The following ARAP2 variants were observed in gnomAD, a reference collection of about 807,000 sequenced individuals.
ARAP2 encodes arf-GAP with Rho-GAP domain, ANK repeat and PH domain-containing protein 2.
Under a neutral mutation model 194.5 loss-of-function variants are expected in ARAP2, and 148 were observed. The observed-to-expected ratio is 0.76, with a 90% CI of 0.67 to 0.87. ARAP2 has a LOEUF of 0.87. Ranked by LOEUF, ARAP2 falls within the 40% of genes least tolerant of loss-of-function variation. The probability of loss-of-function intolerance (pLI) is 0.00; values close to 1 mark genes in which losing one functional copy is unlikely to be tolerated. For missense variants in ARAP2, 2,128 were observed against 1,989.7 expected, an observed-to-expected ratio of 1.07 and a Z score of -1.32; for synonymous variants, 695 against 683.5, an observed-to-expected ratio of 1.02 and a Z score of -0.26.
intron 6 of ARAP2, among the ~76,000 whole-genome samples, chr4:36,201,484 G>A (rs1052323356): frequency 2.0e-5 from 3 of 152,076 alleles, no homozygotes; most frequent in Non-Finnish European, 2.9e-5. Flanking sequence ...ATCTCATTTT[G>A]TTTTTAGGGT....
At position 36,128,620 on chromosome 4, in the gene ARAP2, C is replaced by T. The variant is rs1724581250; in HGVS notation, c.3553G>A (p.Val1185Met). 5 of 1,612,952 alleles carry T rather than the reference C, an allele frequency of 3.1e-6. No individual in the cohort carries two copies. The highest frequency in any genetic ancestry group is 2.2e-5 in the East Asian group (1 of 44,758). ...AGAAAACTTTTCAACACAGCCGTCA[C>T]ATCTTCAAGCTGATGTTTTCCAGCC... Reference protein sequence around the residue: ...LRAGKHQLEDVTAVLKSFLSD... With the variant: ...LRAGKHQLEDMTAVLKSFLSD... Residue 1185 changes from valine to methionine, a missense_variant, in exon 21 of 33, where the codon GTG becomes ATG. Transcript: ENST00000303965.
At chr4:36,012,047 T>C (rs1343784402) in intron 9 of ARAP2, among the ~76,000 whole-genome samples, 1 of 152,204 alleles carries the variant, frequency 6.6e-6, no homozygotes, top group Non-Finnish European at 1.5e-5. Context: ...CCTCAACATT[T>C]CTTTCATGGT....
At chr4:36,149,601 T>C (rs1730461326) in intron 16 of ARAP2, among the ~76,000 whole-genome samples, 2 of 152,238 alleles carry the variant, frequency 1.3e-5, no homozygotes, top group African/African-American at 4.8e-5. Flanking sequence ...ATTTTAAACA[T>C]ATTAATATGC....
In ARAP2 at chr4:36,177,984, C is replaced by T. The variant is rs1239663130; in HGVS notation, c.1700G>A (p.Ser567Asn). The change falls in exon 9 of 33, where the codon AGC becomes AAC. Residue 567 changes from serine to asparagine, a missense_variant. Transcript: ENST00000303965. ...EKEEERNDWI[S>N]ILLNALKSQS... ...TGATTTCAGTGCATTTAATAGTATG[C>T]TGATCCAGTCATTTCTCTCCTCTGA... 3 of 1,602,244 alleles carry T rather than the reference C, an allele frequency of 1.9e-6. No individual in the cohort carries two copies. The highest frequency in any genetic ancestry group is 2.7e-5 in the African/African-American group (2 of 74,266).
chr4:36,103,592 A>C (rs1238213637), intron 27 of ARAP2, among the ~76,000 whole-genome samples: 1 of 151,782 alleles, frequency 6.6e-6, no homozygotes, highest in Admixed American at 6.6e-5. Context: ...ATTGAGGACT[A>C]TTACCTTTGT....
At chr4:36,114,122 TTTTACAGTATAAG>T (rs750147162) in intron 26 of ARAP2, 35 bp downstream of exon 26, 35 of 1,290,972 alleles carry the variant, frequency 2.7e-5, no homozygotes, top group Non-Finnish European at 3.6e-5. Flanking sequence ...AAAGAGTACT[TTTTACAGTATAAG>T]TAATTTAAGA....
intron 9 of ARAP2, among the ~76,000 whole-genome samples, chr4:36,169,767 C>T (rs752142294): frequency 6.6e-6 from 1 of 152,124 alleles, no homozygotes; most frequent in Admixed American, 6.5e-5. Flanking sequence ...TTCCTGACCT[C>T]GTGATCTGCC....
intron 8 of ARAP2, among the ~76,000 whole-genome samples, chr4:36,183,480 GGGAATGCCCACTCAAAATT>G (rs1739768314): frequency 6.6e-6 from 1 of 152,076 alleles, no homozygotes; most frequent in Non-Finnish European, 1.5e-5. Context: ...GCCTTGGAAA[GGGAATGCCCACTCAAAATT>G]CTTAAGCTCT....
intron 32 of ARAP2, among the ~76,000 whole-genome samples, chr4:36,072,120 T>C (rs1180578342): frequency 1.3e-5 from 2 of 152,094 alleles, no homozygotes; most frequent in African/African-American, 4.8e-5. Context: ...TAAAAAAATT[T>C]CTATTATTGC....
At chr4:36,204,286 G>T (rs947248769) in intron 6 of ARAP2, among the ~76,000 whole-genome samples, 6 of 152,158 alleles carry the variant, frequency 3.9e-5, no homozygotes, top group Non-Finnish European at 8.8e-5. Flanking sequence ...TATGGATCTA[G>T]AATACAAATT....
chr4:36,162,137 TAA>T (rs1354482042), intron 11 of ARAP2, among the ~76,000 whole-genome samples: 1 of 45,822 alleles, frequency 2.2e-5, no homozygotes, highest in Non-Finnish European at 4.1e-5. Context: ...TACACTTACT[TAA>T]ATATATATAT....
chr4:36,020,843 A>G (rs1374545606), intron 5 of ARAP2, among the ~76,000 whole-genome samples: 3 of 152,234 alleles, frequency 2.0e-5, no homozygotes, highest in African/African-American at 7.2e-5. Flanking sequence ...CATTCAAGTT[A>G]GATATAATGG....
At chr4:36,196,105 G>T (rs1743046935) in intron 6 of ARAP2, among the ~76,000 whole-genome samples, 1 of 152,154 alleles carries the variant, frequency 6.6e-6, no homozygotes, top group Non-Finnish European at 1.5e-5. Flanking sequence ...AGAACACGCA[G>T]AATTAAATTC....
chr4:36,160,030 C>A lies in ARAP2; in HGVS notation c.2442+429G>T, dbSNP rs533501633. On this transcript the variant is annotated intron_variant, in intron 13 of 32. Coordinates refer to ENST00000303965, the MANE Select transcript of ARAP2 (RefSeq NM_015230.4). ...AGGAGGAAGAACAGTGAGAAGGCGG[C>A]AATAAAAAATATTATTGACTTATGT... 7 of 938,304 alleles carry A rather than the reference C, an allele frequency of 7.5e-6. No homozygotes were observed. The South Asian group carries it at 3.4e-4, about 46-fold the overall frequency. The allele number at this position is 938,304 out of a possible 1,614,324, so 58.1% of individuals were successfully genotyped here.
chr4:36,051,367 C>T (rs1722637690), intron 3 of ARAP2, among the ~76,000 whole-genome samples: 2 of 152,050 alleles, frequency 1.3e-5, no homozygotes, highest in South Asian at 4.1e-4. Flanking sequence ...TTGCCAGCTA[C>T]TCGGGAGGCT....
chr4:36,134,735 T>TACACACACACACACACAC (rs71199697), intron 19 of ARAP2, among the ~76,000 whole-genome samples: 5 of 148,166 alleles, frequency 3.4e-5, no homozygotes, highest in African/African-American at 1.2e-4. Context: ...CACACACAAA[T>TACACACACACACACACAC]ACACACACAC....
At chr4:36,157,132 A>G (rs1330384350) in intron 15 of ARAP2, among the ~76,000 whole-genome samples, 1 of 152,202 alleles carries the variant, frequency 6.6e-6, no homozygotes, top group African/African-American at 2.4e-5. Flanking sequence ...CTTACAACAT[A>G]TTGAAAAGCC....
chr4:36,230,638 A>C (rs1245880101), intron 1 of ARAP2, among the ~76,000 whole-genome samples: 1 of 152,250 alleles, frequency 6.6e-6, no homozygotes, highest in African/African-American at 2.4e-5. Context: ...TCAGTTTATG[A>C]AAATGCATAT....
At position 36,116,409 on chromosome 4, in the gene ARAP2, T is replaced by C. The variant is rs147615706; in HGVS notation, c.4038+652A>G. Among the ~76,000 whole-genome samples the C allele has an allele frequency of 4.7e-3, 720 of 152,020 alleles. 5 individuals carry two copies. Among genetic ancestry groups the C allele is most frequent in the Middle Eastern group, 0.02 (6 of 294 alleles). ...ACCAAATAGCGACCTGAAATATCAG[T>C]TACTATATGTAAGGCAGACAAATTA... On this transcript the variant is annotated intron_variant, in intron 25 of 32. Coordinates refer to ENST00000303965, the MANE Select transcript of ARAP2 (RefSeq NM_015230.4).
Sources: allele counts gnomAD v4.1 joint callset (sites outside exome capture counted in the v4.1 genomes callset), GRCh38; gene constraint gnomAD v4.1.1; transcripts MANE v1.5; gene names NCBI Gene and HGNC (gene_info 2026-07-23, HGNC 2026-07-21).